DDX19A: variants seen among roughly 807,000 people sequenced by gnomAD.
DDX19A encodes ATP-dependent RNA helicase DDX19A.
A neutral mutation model predicts 60.6 loss-of-function variants in DDX19A; 12 were observed. That is an observed-to-expected ratio of 0.20 (90% CI 0.13 to 0.32). The LOEUF is 0.32. DDX19A is among the 10% of genes least tolerant of loss of function. DDX19A has a pLI of 1.00. For missense variants in DDX19A, 337 were observed against 600.6 expected (o/e 0.56, Z 4.59); for synonymous variants, 206 against 218.2 (o/e 0.94, Z 0.49).
At chr16:70,356,041 GAGAA>G in intron 3 of DDX19A, 67 bp from the exon 4 acceptor site, 1 of 1,599,806 alleles carries the variant, frequency 6.3e-7, no homozygotes, top group Non-Finnish European at 8.5e-7. Flanking sequence ...TGTGGAGAGG[GAGAA>G]AGAGTGGCTT....
At chr16:70,365,252 T>C in intron 7 of DDX19A, 121 bp downstream of exon 7, 1 of 618,296 alleles carries the variant, frequency 1.6e-6, no homozygotes, top group Non-Finnish European at 2.9e-6. Context: ...CCTAACTGTG[T>C]TGCTCTATTT....
chr16:70,369,607 T>A (rs1567658050), intron 9 of DDX19A, among the ~76,000 whole-genome samples: 2 of 151,380 alleles, frequency 1.3e-5, no homozygotes, highest in East Asian at 3.9e-4. Flanking sequence ...TTTTCTTTTT[T>A]TTTTCTTTTC....
At chr16:70,361,657 A>G in intron 5 of DDX19A, 147 bp downstream of exon 5, 1 of 608,432 alleles carries the variant, frequency 1.6e-6, no homozygotes, top group South Asian at 2.1e-5. Flanking sequence ...AGAGAATCGG[A>G]TGGAGTTAGC....
chr16:70,372,106 C>A lies in DDX19A; in HGVS notation c.*120C>A. The A allele has an allele frequency of 2.1e-6, 3 of 1,457,900 alleles. No individual in the cohort carries two copies. The highest frequency in any genetic ancestry group is 1.8e-4 in the Middle Eastern group (1 of 5,664). 90.3% of individuals were successfully genotyped at this position (1,457,900 alleles called of 1,614,324 possible). On this transcript the variant is annotated 3_prime_UTR_variant, in exon 12 of 12. Coordinates refer to ENST00000302243, the MANE Select transcript of DDX19A (RefSeq NM_018332.5). The stretch of plus-strand genomic sequence containing the variant: ...AACGGCAGAAGTAGAGAGAAACTAC[C>A]TACCTCACTTCAAATTATGTTTGGA...
rs8053167 is a variant in DDX19A, at chr16:70,366,430, A to G, written c.782+168A>G. ...TCAGCGCTGATCACAGTCCCTCCCA[A>G]CCTGGGTTGAGAAAGGAGACCTAGG... On this transcript the variant is annotated intron_variant, in intron 8 of 11. Coordinates refer to ENST00000302243, the MANE Select transcript of DDX19A (RefSeq NM_018332.5). 6.7e-3 allele frequency: 8,410 copies of G among 1,261,598 alleles called. 626 individuals are homozygous for G. The Admixed American group carries it at 0.15, about 23-fold the overall frequency. 78.2% of individuals were successfully genotyped at this position (1,261,598 alleles called of 1,614,324 possible). A position where few individuals can be genotyped will look rare whatever the true frequency, so the allele number is the denominator to read the frequency against.
At position 70,361,557 on chromosome 16, in the gene DDX19A, T is replaced by C. The variant is rs367768657; in HGVS notation, c.386+47T>C. 5 of 1,510,146 alleles carry C rather than the reference T, an allele frequency of 3.3e-6. No homozygotes were observed. The Admixed American group carries it at 5.4e-5, about 16-fold the overall frequency. 93.5% of individuals were successfully genotyped at this position (1,510,146 alleles called of 1,614,324 possible). ...ATCTCACCCAGTGTGATTAGATCAATCTTCCCCAAACTGCGTTTTTGTGCC... is the reference window on the plus strand; with the variant it reads ...ATCTCACCCAGTGTGATTAGATCAACCTTCCCCAAACTGCGTTTTTGTGCC... On this transcript the variant is annotated intron_variant, in intron 5 of 11. Coordinates refer to ENST00000302243, the MANE Select transcript of DDX19A (RefSeq NM_018332.5).
intron 5 of DDX19A, among the ~76,000 whole-genome samples, chr16:70,363,003 G>T (rs1964413826): frequency 7.0e-6 from 1 of 142,268 alleles, no homozygotes; most frequent in Admixed American, 7.1e-5. Context: ...GACAGAGTAA[G>T]ACTCTGTCTC....
Position 70,371,914 on chromosome 16 carries a change from C to T in DDX19A, c.1376-11C>T, listed in dbSNP as rs139997947. 19,564 of 1,613,946 alleles carry T rather than the reference C, an allele frequency of 0.012. 177 individuals carry two copies. The highest frequency in any genetic ancestry group is 0.015 in the Non-Finnish European group (17,942 of 1,179,846). On this transcript the variant is annotated splice_polypyrimidine_tract_variant and intron_variant, in intron 11 of 11. Transcript: ENST00000302243. ...CTGGGCAGGGTAGAGACTTGTGTAT[C>T]TTTCCCCCAGATAAGAAGATAGAAA...
intron 1 of DDX19A, among the ~76,000 whole-genome samples, chr16:70,349,962 TATC>T (rs773232410): frequency 2.5e-4 from 38 of 152,212 alleles, no homozygotes; most frequent in Non-Finnish European, 4.7e-4. Flanking sequence ...GGTCTTAGGT[TATC>T]ATGTGGTTCT....
intron 4 of DDX19A, chr16:70,356,750 T>G (rs1175750172): frequency 2.1e-6 from 1 of 473,310 alleles, no homozygotes; most frequent in Non-Finnish European, 3.3e-6. Flanking sequence ...TCTCCCACCC[T>G]TGTGTCCTTG....
At chr16:70,361,099 C>G (rs555131706) in intron 4 of DDX19A, among the ~76,000 whole-genome samples, 2 of 152,120 alleles carry the variant, frequency 1.3e-5, no homozygotes, top group African/African-American at 2.4e-5. Flanking sequence ...TAACCACCAC[C>G]CTTGCTGTGT....
chr16:70,365,085 A>C lies in DDX19A; in HGVS notation c.558A>C (p.Lys186Asn). The change falls in exon 7 of 12, where the codon AAA becomes AAC. Residue 186 changes from lysine (K) to asparagine (N), a missense_variant. By Grantham distance (94) the Lys-to-Asn change is moderately conservative (BLOSUM62 0). Transcript: ENST00000302243. ...GAAAAGTGATTGAGCAGATGGGCAA[A>C]TTTTACCCAGAACTGAAGCTTGCCT... Reference protein sequence around the residue: ...QTGKVIEQMGKFYPELKLAYA... With the variant: ...QTGKVIEQMGNFYPELKLAYA... The C allele has an allele frequency of 6.2e-7, 1 of 1,614,146 alleles. No individual in the cohort carries two copies. The highest frequency in any genetic ancestry group is 1.1e-5 in the South Asian group (1 of 91,078).
intron 7 of DDX19A, 178 bp from the exon 8 acceptor site, chr16:70,365,907 T>C: frequency 2.4e-6 from 2 of 830,256 alleles, no homozygotes; most frequent in Non-Finnish European, 3.9e-6. Context: ...TGCACTGAGA[T>C]AGGTGTCATT....
chr16:70,365,878 G>A (rs1471101288), intron 7 of DDX19A: 3 of 664,702 alleles, frequency 4.5e-6, no homozygotes, highest in Non-Finnish European at 7.8e-6. Flanking sequence ...TGCTGTGTGG[G>A]ATTTGATCCT....
rs570140381 is a variant in DDX19A at position 70,356,242 on chromosome 16, T to C, written c.288T>C (p.Leu96=). Reference sequence around the variant, plus strand: ...ACTCGGTGAAGTCGTTTGAAGAGCTTCGGCTGTGAGTATTCGCTCCTTTCA... The same window carrying C: ...ACTCGGTGAAGTCGTTTGAAGAGCTCCGGCTGTGAGTATTCGCTCCTTTCA... ...PLYSVKSFEE[L]RLKPQLLQGV... The change falls in exon 4 of 12, where the codon CTT becomes CTC. Residue 96 remains leucine (L), a synonymous_variant. Transcript: ENST00000302243. 1.1e-5 allele frequency: 17 copies of C among 1,614,210 alleles called. No individual in the cohort carries two copies. The South Asian group carries it at 1.9e-4, about 18-fold the overall frequency.
At position 70,350,600 on chromosome 16, in the gene DDX19A, C is replaced by T. The variant is rs531318121; in HGVS notation, c.101C>T (p.Thr34Ile). 1 of 1,611,252 alleles carries T rather than the reference C, an allele frequency of 6.2e-7. No homozygotes were observed. Among genetic ancestry groups the T allele is most frequent in the African/African-American group, 1.3e-5 (1 of 74,942 alleles). The change falls in exon 2 of 12, where the codon ACC becomes ATC. Residue 34 changes from threonine to isoleucine, a missense_variant. Thr to Ile is a moderately conservative substitution (Grantham distance 89). Coordinates refer to ENST00000302243, the MANE Select transcript of DDX19A (RefSeq NM_018332.5). ...AAGGAAGAGAAAGTCAAAGCAGATA[C>T]CAATGGTGAGTCACTAGTAACTACA... is the stretch of plus-strand genomic sequence containing the variant. ...QIKEEKVKADTNGIIKTSTTA... is the reference protein window; with the variant it reads ...QIKEEKVKADINGIIKTSTTA...
chr16:70,367,480 C>T (rs1964553301), intron 9 of DDX19A, among the ~76,000 whole-genome samples: 1 of 151,802 alleles, frequency 6.6e-6, no homozygotes, highest in Non-Finnish European at 1.5e-5. Context: ...CATAGTTTTC[C>T]AGTCTCAAAC....
Position 70,366,744 on chromosome 16 carries a change from G to T in DDX19A, c.903G>T (p.Glu301Asp), listed in dbSNP as rs1335802171. 2 of 1,614,240 alleles carry T rather than the reference G, an allele frequency of 1.2e-6. No individual in the cohort carries two copies. The highest frequency in any genetic ancestry group is 1.7e-6 in the Non-Finnish European group (2 of 1,180,042). ...PNVIKLKREE[E>D]TLDTIKQYYV... ...TTATCAAACTGAAGCGTGAGGAAGA[G>T]ACCCTGGATACCATCAAGCAGTACT... The change falls in exon 9 of 12, where the codon GAG becomes GAT. Residue 301 changes from glutamate to aspartate, a missense_variant. Glu to Asp is a conservative substitution (Grantham distance 45). Transcript: ENST00000302243.
intron 1 of DDX19A, among the ~76,000 whole-genome samples, chr16:70,348,697 T>C (rs1252388911): frequency 6.6e-6 from 1 of 151,206 alleles, no homozygotes; most frequent in South Asian, 2.1e-4. Context: ...CCTAGCACTT[T>C]GGGAAACTGA....
Sources: gnomAD v4.1 joint callset for allele counts (sites outside exome capture counted in the v4.1 genomes callset) on GRCh38, gnomAD v4.1.1 for gene constraint, MANE v1.5 for transcripts, NCBI Gene and HGNC (gene_info 2026-07-23, HGNC 2026-07-21) for gene names.